The following SYTL3 variants were observed in gnomAD, a reference collection of about 807,000 sequenced individuals.
SYTL3 encodes the protein synaptotagmin-like protein 3.
SYTL3 carries 88 observed loss-of-function variants against 82.1 expected under a neutral mutation model. That is an observed-to-expected ratio of 1.07 (90% CI 0.90 to 1.28). The LOEUF (loss-of-function observed/expected upper bound fraction) is 1.28, where lower values mean the gene tolerates loss of function less well. Ranked by LOEUF, SYTL3 falls within the 50% of genes most tolerant of loss-of-function variation. The probability of loss-of-function intolerance (pLI) is 0.00; values close to 1 mark genes in which losing one functional copy is unlikely to be tolerated. For synonymous variants in SYTL3, 311 were observed against 289.4 expected, an observed-to-expected ratio of 1.07 and a Z score of -0.76; for missense variants, 831 against 757.6, an observed-to-expected ratio of 1.10 and a Z score of -1.14.
chr6:158,665,626 G>T lies in SYTL3; in HGVS notation c.329+13G>T. 6.5e-7 allele frequency: 1 copy of T among 1,531,526 alleles called. No individual in the cohort carries two copies. The highest frequency in any genetic ancestry group is 1.2e-5 in the South Asian group (1 of 82,796). The allele number at this position is 1,531,526 out of a possible 1,614,324, so 94.9% of individuals were successfully genotyped here. A position where few individuals can be genotyped will look rare whatever the true frequency, so the allele number is the denominator to read the frequency against. ...GCTTCGAGGACAGGTAAGCATGGCC[G>T]GTGGTTGGATCCCTCCCACTGATTC... is the stretch of plus-strand genomic sequence containing the variant. On this transcript the variant is annotated intron_variant, in intron 5 of 17. Coordinates refer to ENST00000611299, the MANE Select transcript of SYTL3 (RefSeq NM_001242394.2).
chr6:158,737,830 G>A (rs770849351), intron 11 of SYTL3, among the ~76,000 whole-genome samples: 14 of 152,126 alleles, frequency 9.2e-5, no homozygotes, highest in East Asian at 1.9e-4. Context: ...TATCCTCCCC[G>A]TCCCTGCTCA....
intron 16 of SYTL3, among the ~76,000 whole-genome samples, chr6:158,762,794 A>G (rs1790153425): frequency 6.6e-6 from 1 of 152,108 alleles, no homozygotes. Flanking sequence ...GCGGGCACCT[A>G]TAATCCTAGC....
At chr6:158,715,493 C>T (rs980028870) in intron 9 of SYTL3, among the ~76,000 whole-genome samples, 2 of 152,012 alleles carry the variant, frequency 1.3e-5, no homozygotes, top group Admixed American at 1.3e-4. Flanking sequence ...CAGTGTAATA[C>T]CCAGGTGGAC....
chr6:158,690,146 C>T (rs377324669), intron 6 of SYTL3, among the ~76,000 whole-genome samples: 3 of 152,348 alleles, frequency 2.0e-5, no homozygotes, highest in Non-Finnish European at 2.9e-5. Flanking sequence ...AGAGGACACA[C>T]GGTGCCCTCT....
intron 5 of SYTL3, among the ~76,000 whole-genome samples, chr6:158,672,551 TG>T (rs1777513604): frequency 1.5e-5 from 2 of 133,682 alleles, no homozygotes; most frequent in South Asian, 4.8e-4. Context: ...CTGGTTTTTT[TG>T]TTTCTTTTTT....
At chr6:158,737,198 T>C (rs1786297079) in intron 11 of SYTL3, among the ~76,000 whole-genome samples, 1 of 152,212 alleles carries the variant, frequency 6.6e-6, no homozygotes, top group Non-Finnish European at 1.5e-5. Context: ...AACTTCACCA[T>C]GACCCTATGA....
intron 6 of SYTL3, among the ~76,000 whole-genome samples, chr6:158,694,432 C>A (rs1018288038): frequency 1.3e-5 from 2 of 151,876 alleles, no homozygotes; most frequent in Non-Finnish European, 2.9e-5. Flanking sequence ...GTAACTGGGA[C>A]CACAGGTGCA....
At chr6:158,708,609 C>T (rs1007616775) in intron 8 of SYTL3, among the ~76,000 whole-genome samples, 2 of 152,148 alleles carry the variant, frequency 1.3e-5, no homozygotes, top group Admixed American at 6.5e-5. Context: ...GTGTCATCAG[C>T]GACCCTTTCT....
chr6:158,692,350 G>C (rs1016732095), intron 6 of SYTL3, among the ~76,000 whole-genome samples: 6 of 139,430 alleles, frequency 4.3e-5, no homozygotes, highest in Non-Finnish European at 9.2e-5. Context: ...ATTTCTAATA[G>C]TTAGGGAAAT....
intron 6 of SYTL3, among the ~76,000 whole-genome samples, chr6:158,687,753 C>T (rs902341956): frequency 6.6e-6 from 1 of 152,230 alleles, no homozygotes; most frequent in Non-Finnish European, 1.5e-5. Context: ...CTAACTGCTT[C>T]CCCCTTGGTC....
intron 13 of SYTL3, among the ~76,000 whole-genome samples, chr6:158,757,000 A>ACC (rs55885095): frequency 2.5e-4 from 35 of 141,928 alleles, no homozygotes; most frequent in Admixed American, 5.6e-4. Flanking sequence ...CAGAGAGAGG[A>ACC]CCCCCCCGCC....
intron 6 of SYTL3, among the ~76,000 whole-genome samples, chr6:158,684,856 C>G (rs1583226682): frequency 6.6e-6 from 1 of 150,608 alleles, no homozygotes; most frequent in Admixed American, 6.6e-5. Context: ...TATTGGAAAC[C>G]TGGAGGAAAA....
rs1021674289 is a variant in SYTL3 at position 158,666,121 on chromosome 6, A to T, written c.329+508A>T. Among the ~76,000 whole-genome samples, 3 of 152,170 alleles carry T rather than the reference A, an allele frequency of 2.0e-5. No homozygotes were observed. The East Asian group carries it at 5.8e-4, about 29-fold the overall frequency. ...CAACAAAAGTTTGTTAAGTCGAAGG[A>T]TGGGCTAACCCAGGAGTTCAGATTC... On this transcript the variant is annotated intron_variant, in intron 5 of 17. Transcript: ENST00000611299.
Position 158,742,879 on chromosome 6 carries a change from G to A in SYTL3, c.856-2601G>A, listed in dbSNP as rs117190230. Among the ~76,000 whole-genome samples the A allele has an allele frequency of 4.5e-3, 688 of 152,188 alleles. 4 individuals are homozygous for A. Among genetic ancestry groups the A allele is most frequent in the Non-Finnish European group, 7.2e-3 (490 of 68,010 alleles). On this transcript the variant is annotated intron_variant, in intron 11 of 17. Coordinates refer to ENST00000611299, the MANE Select transcript of SYTL3 (RefSeq NM_001242394.2). ...TGGGATTACAGGTGTGAGCCACTGC[G>A]TCCAGCCAGCTGGAAACATTCTTAA...
At chr6:158,660,301 A>G (rs1219448123) in intron 2 of SYTL3, among the ~76,000 whole-genome samples, 3 of 152,152 alleles carry the variant, frequency 2.0e-5, no homozygotes, top group Non-Finnish European at 4.4e-5. Context: ...AAAAACAAAA[A>G]AACCCGGAAC....
At position 158,760,722 on chromosome 6, in the gene SYTL3, G is replaced by C. The variant is rs1295634629; in HGVS notation, c.1391G>C (p.Arg464Thr). ...RAKLVLPSRP[R>T]KLQEAQEGTD... is the part of the protein sequence containing the mutation. ...AAGCTGGTTCTCCCTTCACGGCCCA[G>C]AAAACTCCAAGAGGCTCAAGAAGGT... The change falls in exon 15 of 18, where the codon AGA becomes ACA. Residue 464 changes from arginine to threonine, a missense_variant. Physicochemically the swap from Arg to Thr is moderately conservative, Grantham distance 71. Coordinates refer to ENST00000611299, the MANE Select transcript of SYTL3 (RefSeq NM_001242394.2). 1 of 1,614,118 alleles carries C rather than the reference G, an allele frequency of 6.2e-7. No individual in the cohort carries two copies. The highest frequency in any genetic ancestry group is 8.5e-7 in the Non-Finnish European group (1 of 1,179,976).
intron 6 of SYTL3, among the ~76,000 whole-genome samples, chr6:158,706,142 T>G (rs1782064642): frequency 6.6e-6 from 1 of 152,180 alleles, no homozygotes; most frequent in African/African-American, 2.4e-5. Flanking sequence ...CACAGGTGCC[T>G]TATAGAATCC....
At chr6:158,721,418 C>T (rs1784095624) in intron 10 of SYTL3, among the ~76,000 whole-genome samples, 1 of 151,820 alleles carries the variant, frequency 6.6e-6, no homozygotes, top group South Asian at 2.1e-4. Flanking sequence ...GAGATGTTGC[C>T]CAGGCTGGTC....
chr6:158,761,509 C>T (rs560001288), intron 15 of SYTL3, among the ~76,000 whole-genome samples: 10 of 152,090 alleles, frequency 6.6e-5, no homozygotes, highest in East Asian at 5.8e-4. Flanking sequence ...AGGGTTTCAC[C>T]ATGTTAGCCA....
Sources: gnomAD v4.1 joint callset for allele counts (sites outside exome capture counted in the v4.1 genomes callset) on GRCh38, gnomAD v4.1.1 for gene constraint, MANE v1.5 for transcripts, NCBI Gene and HGNC (gene_info 2026-07-23, HGNC 2026-07-21) for gene names.